Variants in PIK3R4 observed in about 807,000 individuals in gnomAD.
PIK3R4 encodes the protein phosphoinositide 3-kinase regulatory subunit 4.
A neutral mutation model predicts 136.5 loss-of-function variants in PIK3R4; 46 were observed. That is an observed-to-expected ratio of 0.34 (90% CI 0.27 to 0.43). The LOEUF (loss-of-function observed/expected upper bound fraction) is 0.43, where lower values mean the gene tolerates loss of function less well. Ranked by LOEUF, PIK3R4 falls within the 20% of genes least tolerant of loss-of-function variation. The probability of loss-of-function intolerance (pLI) is 1.00; values close to 1 mark genes in which losing one functional copy is unlikely to be tolerated. For missense variants in PIK3R4, 1,331 were observed against 1,649.5 expected (o/e 0.81, Z 3.35); for synonymous variants, 557 against 566.7 (o/e 0.98, Z 0.24).
Position 130,728,699 on chromosome 3 carries a change from A to AAAAAGAAAG in PIK3R4, c.1586-16_1586-15insCTTTCTTTT. The AAAAAGAAAG allele has an allele frequency of 1.4e-6, 2 of 1,427,552 alleles. No individual in the cohort carries two copies. Among genetic ancestry groups the AAAAAGAAAG allele is most frequent in the South Asian group, 1.3e-5 (1 of 76,898 alleles). 88.4% of individuals were successfully genotyped at this position (1,427,552 alleles called of 1,614,324 possible). A position where few individuals can be genotyped will look rare whatever the true frequency, so the allele number is the denominator to read the frequency against. On this transcript the variant is annotated splice_polypyrimidine_tract_variant and intron_variant, in intron 5 of 19. Coordinates refer to ENST00000356763, the MANE Select transcript of PIK3R4 (RefSeq NM_014602.3). Reference sequence around the variant, plus strand: ...GGCTTGGAGCTCTAAAAAAAAAAAAAAAAGAAAGAAAGAAAGAAAGAAAAG... The same window carrying AAAAAGAAAG: ...GGCTTGGAGCTCTAAAAAAAAAAAAAAAAAGAAAGAAAGAAAGAAAGAAAGAAAGAAAAG...
chr3:130,705,549 CG>C lies in PIK3R4; in HGVS notation c.2932+11del, dbSNP rs1559823736. ...AGACTAGACTACAACTACTTATCAA[CG>C]GAACTTTTACCAGGTGGTGGTGGTT... is the stretch of plus-strand genomic sequence containing the variant. On this transcript the variant is annotated intron_variant, in intron 12 of 19. Coordinates refer to ENST00000356763, the MANE Select transcript of PIK3R4 (RefSeq NM_014602.3). The C allele has an allele frequency of 2.5e-6, 4 of 1,573,044 alleles. No homozygotes were observed. The South Asian group carries it at 4.4e-5, about 17-fold the overall frequency.
At chr3:130,715,735 T>G (rs1321238106) in intron 9 of PIK3R4, among the ~76,000 whole-genome samples, 1 of 152,188 alleles carries the variant, frequency 6.6e-6, no homozygotes, top group Non-Finnish European at 1.5e-5. Flanking sequence ...TGGTTTCTTT[T>G]GCTGTGCAGA....
intron 19 of PIK3R4, among the ~76,000 whole-genome samples, chr3:130,680,030 G>A (rs564755426): frequency 1.3e-4 from 18 of 138,906 alleles, no homozygotes; most frequent in East Asian, 4.2e-4. Flanking sequence ...AGCAGAGATC[G>A]TGCCACTGCA....
At position 130,744,896 on chromosome 3, in the gene PIK3R4, T is replaced by C; in HGVS notation, c.323A>G (p.Asp108Gly). 1 of 1,614,216 alleles carries C rather than the reference T, an allele frequency of 6.2e-7. No individual in the cohort carries two copies. The highest frequency in any genetic ancestry group is 8.5e-7 in the Non-Finnish European group (1 of 1,180,020). Reference protein sequence around the residue: ...AAMLFRQYVRDNLYDRISTRP... With the variant: ...AAMLFRQYVRGNLYDRISTRP... ...GGTACTGATGCGATCATAGAGATTG[T>C]CTCGCACATACTGCCTAAAGAGCAT... Residue 108 changes from aspartate (D) to glycine (G), a missense_variant, in exon 2 of 20, where the codon GAC becomes GGC. By Grantham distance (94) the Asp-to-Gly change is moderately conservative. Transcript: ENST00000356763.
rs764082128 is a variant in PIK3R4, at chr3:130,723,451, T to C, written c.1944A>G (p.Leu648=). ...ALTCMCQLGL[L]QKPHVYEFAS... Reference sequence around the variant, plus strand: ...CAAATTCGTAAACATGGGGTTTTTGTAGCAGTCCTAACTGGCACATACAAG... The same window carrying C: ...CAAATTCGTAAACATGGGGTTTTTGCAGCAGTCCTAACTGGCACATACAAG... The change falls in exon 7 of 20, where the codon CTA becomes CTG. Residue 648 remains leucine, a synonymous_variant. Coordinates refer to ENST00000356763, the MANE Select transcript of PIK3R4 (RefSeq NM_014602.3). The C allele has an allele frequency of 6.2e-6, 10 of 1,607,426 alleles. No individual in the cohort carries two copies. The highest frequency in any genetic ancestry group is 8.5e-6 in the Non-Finnish European group (10 of 1,177,240).
Position 130,681,501 on chromosome 3 carries a change from G to C in PIK3R4, c.3698C>G (p.Ser1233Cys). Reference sequence around the variant, plus strand: ...AAACTGAAGTCAAACCTGTAATTCAGAAAGTGGTGGTGCACTGCTGGCCCA... The same window carrying C: ...AAACTGAAGTCAAACCTGTAATTCACAAAGTGGTGGTGCACTGCTGGCCCA... ...TLWASSAPPL[S>C]ELQPSPHSVH... is the part of the protein sequence containing the mutation. The change falls in exon 17 of 20, where the codon TCT becomes TGT. Residue 1233 changes from serine to cysteine, a missense_variant. Around this residue, in one of 2 missense-constraint regions of PIK3R4, gnomAD observed 1,180 missense variants for 1,407.0 expected, o/e 0.84. Transcript: ENST00000356763. 6.3e-7 allele frequency: 1 copy of C among 1,598,796 alleles called. No homozygotes were observed. Among genetic ancestry groups the C allele is most frequent in the Non-Finnish European group, 8.6e-7 (1 of 1,166,210 alleles).
intron 8 of PIK3R4, among the ~76,000 whole-genome samples, chr3:130,717,106 C>G (rs1234078294): frequency 6.6e-6 from 1 of 151,984 alleles, no homozygotes; most frequent in East Asian, 1.9e-4. Context: ...CTTGTCAATG[C>G]AAATAAAATG....
intron 5 of PIK3R4, among the ~76,000 whole-genome samples, chr3:130,729,417 G>A (rs570727580): frequency 1.1e-4 from 17 of 152,204 alleles, no homozygotes; most frequent in African/African-American, 4.1e-4. Context: ...CTACTGTCAA[G>A]GAAAAAGGTA....
intron 11 of PIK3R4, 25 bp downstream of exon 11, chr3:130,706,923 G>A (rs1272972145): frequency 1.3e-6 from 2 of 1,567,716 alleles, no homozygotes; most frequent in Non-Finnish European, 1.7e-6. Context: ...ACATTAGGAG[G>A]ACTACTGACT....
In PIK3R4 at chr3:130,728,651, T is replaced by C. The variant is rs1043376758; in HGVS notation, c.1619A>G (p.Lys540Arg). The change falls in exon 6 of 20, where the codon AAA becomes AGA. Residue 540 changes from lysine to arginine, a missense_variant. Around this residue, in one of 2 missense-constraint regions of PIK3R4, gnomAD observed 1,180 missense variants for 1,407.0 expected, o/e 0.84. Coordinates refer to ENST00000356763, the MANE Select transcript of PIK3R4 (RefSeq NM_014602.3). ...LQALHEMVQQ[K>R]VVTLLSDPEN... ...AGGGTCACTTAGCAAAGTAACAACT[T>C]TCTGCTGGACCATTTCATGTAAGGC... 1.2e-6 allele frequency: 2 copies of C among 1,606,548 alleles called. No individual in the cohort carries two copies. The highest frequency in any genetic ancestry group is 2.7e-5 in the African/African-American group (2 of 73,966).
Position 130,708,432 on chromosome 3 carries a change from T to A in PIK3R4, c.2392A>T (p.Asn798Tyr), listed in dbSNP as rs751078817. 6.2e-7 allele frequency: 1 copy of A among 1,613,752 alleles called. No individual in the cohort carries two copies. The highest frequency in any genetic ancestry group is 1.1e-5 in the South Asian group (1 of 91,064). ...TCCACTATATTGGCCTTTGCTTTATTAGATTTCATCATGAAGTCTTTCAGT... is the reference window on the plus strand; with the variant it reads ...TCCACTATATTGGCCTTTGCTTTATAAGATTTCATCATGAAGTCTTTCAGT... The part of the protein sequence containing the change: ...LALKDFMMKS[N>Y]KAKANIVDQS... The change falls in exon 10 of 20, where the codon AAT (asparagine) becomes TAT (tyrosine). Residue 798 changes from asparagine (N) to tyrosine (Y), a missense_variant. By Grantham distance (143) the Asn-to-Tyr change is moderately radical (BLOSUM62 -2). This residue lies in a region of PIK3R4 where 1,180 missense variants were observed against 1,407.0 expected (regional missense o/e 0.84). Coordinates refer to ENST00000356763, the MANE Select transcript of PIK3R4 (RefSeq NM_014602.3).
At chr3:130,693,449 A>G (rs1382652558) in intron 13 of PIK3R4, among the ~76,000 whole-genome samples, 1 of 152,172 alleles carries the variant, frequency 6.6e-6, no homozygotes, top group Non-Finnish European at 1.5e-5. Context: ...CAATTTATCT[A>G]CATCCTAACA....
chr3:130,718,438 C>T lies in PIK3R4; in HGVS notation c.2078G>A (p.Cys693Tyr). The change falls in exon 8 of 20, where the codon TGT becomes TAT. Residue 693 changes from cysteine (C) to tyrosine (Y), a missense_variant. By Grantham distance (194) the Cys-to-Tyr change is radical. Coordinates refer to ENST00000356763, the MANE Select transcript of PIK3R4 (RefSeq NM_014602.3). ...TGGGTCAAGATAAGGCATCAGTTTA[C>T]AGTAGACATCAGCTGTACTTATTTG... ...ARQISTADVY[C>Y]KLMPYLDPYI... 6.2e-7 allele frequency: 1 copy of T among 1,613,526 alleles called. No homozygotes were observed. The highest frequency in any genetic ancestry group is 8.5e-7 in the Non-Finnish European group (1 of 1,179,544).
chr3:130,733,490 T>C (rs2066769569), intron 4 of PIK3R4, 58 bp downstream of exon 4: 1 of 1,113,566 alleles, frequency 9.0e-7, no homozygotes, highest in African/African-American at 1.6e-5. Flanking sequence ...CAAGCAGTAT[T>C]ATAGTCATTA....
At chr3:130,689,128 G>A (rs2066503080) in intron 14 of PIK3R4, among the ~76,000 whole-genome samples, 1 of 152,144 alleles carries the variant, frequency 6.6e-6, no homozygotes, top group Non-Finnish European at 1.5e-5. Flanking sequence ...ATGACCTTAT[G>A]GCAAAGTTTC....
At chr3:130,679,545 C>G (rs997568422) in intron 19 of PIK3R4, 60 bp from the exon 20 acceptor site, 2 of 1,222,312 alleles carry the variant, frequency 1.6e-6, no homozygotes, top group African/African-American at 3.0e-5. Flanking sequence ...CATTTTTCCT[C>G]TCGTCAGTAG....
chr3:130,679,751 A>G (rs2108512936), intron 19 of PIK3R4, among the ~76,000 whole-genome samples: 2 of 152,272 alleles, frequency 1.3e-5, no homozygotes. Context: ...AACTTTTGCC[A>G]ACATCAAAAG....
intron 13 of PIK3R4, among the ~76,000 whole-genome samples, chr3:130,700,384 C>T (rs922435327): frequency 6.6e-6 from 1 of 152,148 alleles, no homozygotes; most frequent in Non-Finnish European, 1.5e-5. Context: ...ATGCATCCAT[C>T]TCCCCTAAAA....
chr3:130,708,322 A>G lies in PIK3R4; in HGVS notation c.2502T>C (p.Val834=). 6.2e-7 allele frequency: 1 copy of G among 1,613,792 alleles called. No homozygotes were observed. ...LGITGRQVDL[V]KTKQEPDDKR... ...TGTCATCTGGTTCTTGTTTGGTTTT[A>G]ACAAGATCAACTTGTCTCCCAGTTA... The change falls in exon 10 of 20, where the codon GTT becomes GTC. Residue 834 remains valine (V), a synonymous_variant. Transcript: ENST00000356763.
Sources: gnomAD v4.1 joint callset for allele counts (sites outside exome capture counted in the v4.1 genomes callset) on GRCh38, gnomAD v4.1.1 for gene constraint, gnomAD v4.1.1 regional missense constraint, MANE v1.5 for transcripts, NCBI Gene and HGNC (gene_info 2026-07-23, HGNC 2026-07-21) for gene names.